Variants in PALM2AKAP2 observed in about 807,000 individuals in gnomAD.
PALM2AKAP2 encodes PALM2 and AKAP2 fusion, also known as PALM2-AKAP2 fusion protein.
PALM2AKAP2 carries 37 observed loss-of-function variants against 71.5 expected under a neutral mutation model. That is an observed-to-expected ratio of 0.52 (90% CI 0.40 to 0.68). The LOEUF is 0.68. Among genes scored for constraint, PALM2AKAP2 ranks in the 30% least tolerant of loss-of-function variants. The pLI is 0.00. For synonymous variants in PALM2AKAP2, 468 were observed against 478.8 expected (o/e 0.98, Z 0.29); for missense variants, 1,224 against 1,191.8 (o/e 1.03, Z -0.40).
intron 1 of PALM2AKAP2, among the ~76,000 whole-genome samples, chr9:110,061,392 A>G (rs1026472061): frequency 4.6e-5 from 7 of 152,160 alleles, no homozygotes; most frequent in Non-Finnish European, 7.4e-5. Flanking sequence ...AGTTTTGTTC[A>G]GAAGGGTGTA....
At chr9:109,868,901 T>C (rs977794427) in intron 2 of PALM2AKAP2, among the ~76,000 whole-genome samples, 1 of 152,218 alleles carries the variant, frequency 6.6e-6, no homozygotes, top group African/African-American at 2.4e-5. Flanking sequence ...TAGTATCCTC[T>C]TCTCACAGAG....
chr9:110,116,715 A>T (rs1490382166), intron 1 of PALM2AKAP2, among the ~76,000 whole-genome samples: 1 of 152,232 alleles, frequency 6.6e-6, no homozygotes, highest in African/African-American at 2.4e-5. Context: ...CTTGGAAGGA[A>T]AATGTCTATG....
intron 1 of PALM2AKAP2, among the ~76,000 whole-genome samples, chr9:109,651,149 G>A (rs13440340): frequency 0.14 from 20,651 of 151,974 alleles, 1,746 homozygotes; most frequent in African/African-American, 0.23. Context: ...CTTACTCTTT[G>A]ACTTCCTGTT....
In PALM2AKAP2 at chr9:109,923,725, TGTTTTCCAGGCTGGAGCAA is replaced by T; in HGVS notation, c.258-8_268del. The T allele has an allele frequency of 6.3e-7, 1 of 1,584,876 alleles. No individual in the cohort carries two copies. Among genetic ancestry groups the T allele is most frequent in the Non-Finnish European group, 8.6e-7 (1 of 1,169,542 alleles). On this transcript the variant is annotated splice_acceptor_variant and splice_polypyrimidine_tract_variant and coding_sequence_variant and intron_variant, in exon 4 of 10. Coordinates refer to the PALM2AKAP2 transcript ENST00000302798. LOFTEE classifies it high-confidence loss of function. ...TAAAGTAACTTGTCCTTTGTTTGTG[TGTTTTCCAGGCTGGAGCAA>T]GAAATACAAACGCTAGAAAGTGAAG...
At chr9:110,119,427 G>T (rs1213529378) in intron 1 of PALM2AKAP2, among the ~76,000 whole-genome samples, 2 of 151,632 alleles carry the variant, frequency 1.3e-5, no homozygotes, top group African/African-American at 4.8e-5. Flanking sequence ...TTATTGCAAA[G>T]ATTGCGGCAT....
intron 1 of PALM2AKAP2, among the ~76,000 whole-genome samples, chr9:109,753,493 A>G (rs1828914121): frequency 6.6e-6 from 1 of 152,170 alleles, no homozygotes; most frequent in African/African-American, 2.4e-5. Context: ...TTTGTGACAA[A>G]ACAGGCTTTT....
intron 1 of PALM2AKAP2, among the ~76,000 whole-genome samples, chr9:109,729,856 G>A (rs1828528757): frequency 6.6e-6 from 1 of 152,188 alleles, no homozygotes; most frequent in African/African-American, 2.4e-5. Flanking sequence ...GTGGAAATTT[G>A]TGGGTGAGAA....
intron 6 of PALM2AKAP2, among the ~76,000 whole-genome samples, chr9:109,974,304 C>T (rs1338754384): frequency 6.6e-6 from 1 of 152,206 alleles, no homozygotes; most frequent in Non-Finnish European, 1.5e-5. Flanking sequence ...ATATGCCCAG[C>T]CTGTTGCTAA....
intron 6 of PALM2AKAP2, among the ~76,000 whole-genome samples, chr9:109,953,715 A>T (rs1831687434): frequency 6.6e-6 from 1 of 151,532 alleles, no homozygotes. Flanking sequence ...CGTGCCTGTA[A>T]TCCCCGCTAC....
At chr9:110,157,398 T>TGTC (rs1836484924) in intron 3 of PALM2AKAP2, among the ~76,000 whole-genome samples, 1 of 151,304 alleles carries the variant, frequency 6.6e-6, no homozygotes, top group African/African-American at 2.4e-5. Context: ...CTTTTGTTGT[T>TGTC]GTTGTTGTTG....
chr9:110,072,606 G>T (rs1159562824), intron 1 of PALM2AKAP2, among the ~76,000 whole-genome samples: 1 of 152,224 alleles, frequency 6.6e-6, no homozygotes, highest in Admixed American at 6.5e-5. Flanking sequence ...TTTGGAGTTA[G>T]GCGTAGTAAT....
At chr9:109,820,343 AT>A (rs1827963762) in intron 1 of PALM2AKAP2, among the ~76,000 whole-genome samples, 1 of 152,112 alleles carries the variant, frequency 6.6e-6, no homozygotes, top group South Asian at 2.1e-4. Context: ...TGGAGAGGAA[AT>A]CCACCCAGTG....
intron 6 of PALM2AKAP2, among the ~76,000 whole-genome samples, chr9:109,985,251 A>G (rs1388023048): frequency 6.6e-6 from 1 of 152,154 alleles, no homozygotes; most frequent in Non-Finnish European, 1.5e-5. Context: ...AGCCTGACAT[A>G]TCTGTATGAT....
Position 109,900,358 on chromosome 9 carries a change from C to T in PALM2AKAP2, c.257+19677C>T, listed in dbSNP as rs570408655. Among the ~76,000 whole-genome samples, 204 of 152,270 alleles carry T rather than the reference C, an allele frequency of 1.3e-3. 1 individual carries two copies. Among genetic ancestry groups the T allele is most frequent in the African/African-American group, 4.6e-3 (191 of 41,536 alleles). On this transcript the variant is annotated intron_variant, in intron 3 of 9. Coordinates refer to the PALM2AKAP2 transcript ENST00000302798. ...TAGGTATCCATTGAGTGTCATGCAT[C>T]GCAATGGCAAAGCATTGGAGTTACA... is the stretch of plus-strand genomic sequence containing the variant.
At chr9:110,154,319 A>G (rs944955344) in intron 2 of PALM2AKAP2, among the ~76,000 whole-genome samples, 5 of 152,194 alleles carry the variant, frequency 3.3e-5, no homozygotes, top group Non-Finnish European at 5.9e-5. Flanking sequence ...CAAGTCATGG[A>G]TTCAAGCCCA....
chr9:109,657,959 T>C (rs1035874202), intron 1 of PALM2AKAP2, among the ~76,000 whole-genome samples: 2 of 151,626 alleles, frequency 1.3e-5, no homozygotes, highest in African/African-American at 4.8e-5. Context: ...TGTGTGTGTG[T>C]GTGTGTGTGT....
intron 1 of PALM2AKAP2, among the ~76,000 whole-genome samples, chr9:110,094,577 C>A (rs544190595): frequency 6.7e-6 from 1 of 150,126 alleles, no homozygotes; most frequent in African/African-American, 2.4e-5. Flanking sequence ...TTCATATAGC[C>A]AGGGCAGGAA....
intron 3 of PALM2AKAP2, among the ~76,000 whole-genome samples, chr9:109,905,332 CA>C (rs1438872588): frequency 6.6e-6 from 1 of 152,170 alleles, no homozygotes; most frequent in Non-Finnish European, 1.5e-5. Context: ...TCCAGCCTCC[CA>C]GGGGGCACGC....
intron 1 of PALM2AKAP2, among the ~76,000 whole-genome samples, chr9:109,782,748 G>T (rs1339656760): frequency 1.7e-5 from 2 of 114,596 alleles, no homozygotes; most frequent in Non-Finnish European, 3.6e-5. Context: ...GTTTGTTTGT[G>T]TGTGTGTGTG....
Sources: gnomAD v4.1 joint callset for allele counts (sites outside exome capture counted in the v4.1 genomes callset) on GRCh38, gnomAD v4.1.1 for gene constraint, MANE v1.5 for transcripts, NCBI Gene and HGNC (gene_info 2026-07-23, HGNC 2026-07-21) for gene names.